The following EPHA3 variants were observed in gnomAD, a reference collection of about 807,000 sequenced individuals.
The protein encoded by EPHA3 is EPH receptor A3.
A neutral mutation model predicts 107.1 loss-of-function variants in EPHA3; 42 were observed. The ratio of observed to expected loss-of-function variants is 0.39; its 90% CI spans 0.31 to 0.51. EPHA3 has a LOEUF of 0.51. Ranked by LOEUF, EPHA3 falls within the 20% of genes least tolerant of loss-of-function variation. The probability of loss-of-function intolerance (pLI) is 0.78; values close to 1 mark genes in which losing one functional copy is unlikely to be tolerated. For synonymous variants in EPHA3, 461 were observed against 424.8 expected (o/e 1.09, Z -1.05); for missense variants, 1,183 against 1,211.2 (o/e 0.98, Z 0.35).
intron 10 of EPHA3, among the ~76,000 whole-genome samples, chr3:89,416,177 T>A (rs187983446): frequency 6.6e-6 from 1 of 151,568 alleles, no homozygotes; most frequent in African/African-American, 2.4e-5. Context: ...AAATTTTATT[T>A]TGAGCAGCTT....
chr3:89,168,871 C>T (rs1236496931), intron 2 of EPHA3, among the ~76,000 whole-genome samples: 3 of 151,966 alleles, frequency 2.0e-5, no homozygotes, highest in African/African-American at 4.8e-5. Flanking sequence ...AATTCTGGTA[C>T]ACCATCAAAA....
At chr3:89,250,598 G>C (rs1055133472) in intron 3 of EPHA3, among the ~76,000 whole-genome samples, 1 of 152,054 alleles carries the variant, frequency 6.6e-6, no homozygotes, top group African/African-American at 2.4e-5. Context: ...TATCCCCACT[G>C]CTACCCTGTG....
intron 3 of EPHA3, among the ~76,000 whole-genome samples, chr3:89,322,124 A>AG (rs1707056823): frequency 1.3e-5 from 2 of 151,818 alleles, no homozygotes; most frequent in Admixed American, 6.6e-5. Flanking sequence ...ACACACACAG[A>AG]GGGGGGTTGG....
chr3:89,260,758 G>A (rs1278216751), intron 3 of EPHA3, among the ~76,000 whole-genome samples: 3 of 152,156 alleles, frequency 2.0e-5, no homozygotes, highest in Non-Finnish European at 2.9e-5. Flanking sequence ...TCTATTGACA[G>A]AACATAATAT....
At chr3:89,252,189 T>A (rs1412834007) in intron 3 of EPHA3, among the ~76,000 whole-genome samples, 1 of 152,176 alleles carries the variant, frequency 6.6e-6, no homozygotes, top group African/African-American at 2.4e-5. Flanking sequence ...CATTTCCAAA[T>A]TTCCACATAT....
Position 89,425,260 on chromosome 3 carries a change from C to A in EPHA3, c.2075-3846C>A, listed in dbSNP as rs1299082365. On this transcript the variant is annotated intron_variant, in intron 11 of 16. Transcript: ENST00000336596. ...AATATTTCATTTCAATATTTCAGTT[C>A]AATATTCATTACAATATTTTTATCA... Among the ~76,000 whole-genome samples the A allele has an allele frequency of 2.6e-5, 4 of 151,346 alleles. No individual in the cohort carries two copies. The East Asian group carries it at 7.8e-4, about 29-fold the overall frequency.
intron 13 of EPHA3, among the ~76,000 whole-genome samples, chr3:89,436,901 A>T (rs1288850430): frequency 6.6e-6 from 1 of 152,142 alleles, no homozygotes; most frequent in Non-Finnish European, 1.5e-5. Flanking sequence ...TTGTGTAAGG[A>T]ATCAGATTTT....
At chr3:89,189,887 A>G (rs1705665755) in intron 2 of EPHA3, among the ~76,000 whole-genome samples, 1 of 152,182 alleles carries the variant, frequency 6.6e-6, no homozygotes, top group African/African-American at 2.4e-5. Context: ...TCCTTTGTTC[A>G]GTAGCCCTGC....
At chr3:89,144,982 A>C (rs1341398803) in intron 2 of EPHA3, among the ~76,000 whole-genome samples, 1 of 151,778 alleles carries the variant, frequency 6.6e-6, no homozygotes, top group Non-Finnish European at 1.5e-5. Context: ...GCATTGAATA[A>C]AACCACTGGA....
chr3:89,255,946 G>A (rs561171680), intron 3 of EPHA3, among the ~76,000 whole-genome samples: 37 of 151,620 alleles, frequency 2.4e-4, no homozygotes, highest in Non-Finnish European at 4.4e-4. Context: ...AAAATAGGCC[G>A]GGTGCGGTGG....
chr3:89,140,942 T>G (rs903331595), intron 2 of EPHA3, among the ~76,000 whole-genome samples: 1 of 151,648 alleles, frequency 6.6e-6, no homozygotes, highest in Non-Finnish European at 1.5e-5. Context: ...CTATATACTA[T>G]TCCTAGTGCT....
intron 3 of EPHA3, among the ~76,000 whole-genome samples, chr3:89,287,521 G>C (rs1394895263): frequency 6.6e-6 from 1 of 152,008 alleles, no homozygotes; most frequent in Non-Finnish European, 1.5e-5. Flanking sequence ...TGTGTTGTCA[G>C]CTAAGAAAAA....
At chr3:89,419,604 TA>T (rs973377096) in intron 11 of EPHA3, among the ~76,000 whole-genome samples, 5 of 151,250 alleles carry the variant, frequency 3.3e-5, no homozygotes, top group African/African-American at 1.2e-4. Context: ...CAAAAAATTT[TA>T]AAAAAATACT....
At chr3:89,125,856 A>G (rs1444817134) in intron 1 of EPHA3, among the ~76,000 whole-genome samples, 1 of 151,630 alleles carries the variant, frequency 6.6e-6, no homozygotes, top group Admixed American at 6.6e-5. Flanking sequence ...AAATTTAGAA[A>G]CCTAATGTCT....
chr3:89,376,142 T>A (rs1193257618), intron 5 of EPHA3, among the ~76,000 whole-genome samples: 1 of 151,920 alleles, frequency 6.6e-6, no homozygotes, highest in Non-Finnish European at 1.5e-5. Context: ...TTATTAATTT[T>A]AAAAAGACCC....
intron 13 of EPHA3, among the ~76,000 whole-genome samples, chr3:89,437,873 A>G (rs1156625029): frequency 6.6e-5 from 10 of 152,166 alleles, no homozygotes; most frequent in African/African-American, 2.2e-4. Flanking sequence ...TGAGTTGGAA[A>G]GTTTGAGAAA....
intron 1 of EPHA3, among the ~76,000 whole-genome samples, chr3:89,114,435 T>G (rs1228709444): frequency 6.6e-6 from 1 of 152,148 alleles, no homozygotes; most frequent in Non-Finnish European, 1.5e-5. Flanking sequence ...AACAGTTCAC[T>G]GCTTGCTCAC....
chr3:89,284,642 T>C (rs1433345421), intron 3 of EPHA3, among the ~76,000 whole-genome samples: 1 of 152,156 alleles, frequency 6.6e-6, no homozygotes, highest in African/African-American at 2.4e-5. Flanking sequence ...CCGTAATCTA[T>C]GCCTCCATCA....
intron 13 of EPHA3, among the ~76,000 whole-genome samples, chr3:89,436,093 G>T (rs1709665254): frequency 1.3e-5 from 2 of 151,940 alleles, no homozygotes; most frequent in South Asian, 4.1e-4. Context: ...GTGAGCTAAA[G>T]CCTGGGGATG....
Sources: gnomAD v4.1 joint callset for allele counts (sites outside exome capture counted in the v4.1 genomes callset) on GRCh38, gnomAD v4.1.1 for gene constraint, MANE v1.5 for transcripts, NCBI Gene and HGNC (gene_info 2026-07-23, HGNC 2026-07-21) for gene names.